Variants in NSF observed in about 807,000 individuals in gnomAD.
NSF encodes the protein vesicle-fusing ATPase.
In NSF, 14 loss-of-function variants were observed where a neutral mutation model predicts 50.3. That is an observed-to-expected ratio of 0.28 (90% CI 0.18 to 0.44). NSF has a LOEUF of 0.44. Among genes scored for constraint, NSF ranks in the 20% least tolerant of loss-of-function variants. The pLI, the probability that NSF is intolerant of heterozygous loss-of-function variation, is 1.00. For missense variants in NSF, 218 were observed against 504.3 expected, an observed-to-expected ratio of 0.43 and a Z score of 5.44; for synonymous variants, 109 against 175.7, an observed-to-expected ratio of 0.62 and a Z score of 3.00.
chr17:46,755,830 A>C lies in NSF; in HGVS notation c.*7A>C, dbSNP rs370142768. The C allele has an allele frequency of 1.8e-4, 291 of 1,611,806 alleles. No individual in the cohort carries two copies. The highest frequency in any genetic ancestry group is 2.3e-4 in the Non-Finnish European group (273 of 1,179,458). Reference sequence around the variant, plus strand: ...CCCCCTTGATTTTGATTGAAAATGAACTATTTGAAACACACAGTGACCAAG... The same window carrying C: ...CCCCCTTGATTTTGATTGAAAATGACCTATTTGAAACACACAGTGACCAAG... On this transcript the variant is annotated 3_prime_UTR_variant, in exon 21 of 21. Transcript: ENST00000398238.
intron 18 of NSF, 45 bp from the exon 19 acceptor site, chr17:46,751,458 T>C (rs1433112956): frequency 7.6e-7 from 1 of 1,320,662 alleles, no homozygotes; most frequent in African/African-American, 1.4e-5. Flanking sequence ...AATGTTGATG[T>C]GTTCACTGTA....
rs572319970 is a variant in NSF, at chr17:46,745,728, G to T, written c.1909-4045G>T. 3.2e-4 allele frequency among the ~76,000 whole-genome samples: 49 copies of T among 152,342 alleles called. 1 individual carries two copies. In the South Asian group the frequency reaches 0.01, roughly 32 times the overall value. ...AGTTACCTTTAATCATACTGAGGAT[G>T]TATCAGCATGTGTGGCCTTTGGCAT... On this transcript the variant is annotated intron_variant, in intron 17 of 20. Transcript: ENST00000398238.
At chr17:46,743,226 C>T (rs2059094679) in intron 17 of NSF, among the ~76,000 whole-genome samples, 1 of 152,140 alleles carries the variant, frequency 6.6e-6, no homozygotes, top group South Asian at 2.1e-4. Flanking sequence ...CTGCCAGTGC[C>T]CTGTGTTTGT....
intron 15 of NSF, among the ~76,000 whole-genome samples, chr17:46,724,435 A>G (rs2058866168): frequency 6.6e-6 from 1 of 152,226 alleles, no homozygotes; most frequent in Non-Finnish European, 1.5e-5. Flanking sequence ...ATCTGATTCC[A>G]TGATAGCCAA....
intron 12 of NSF, among the ~76,000 whole-genome samples, chr17:46,704,161 CTGTACAGA>C (rs1185858428): frequency 1.2e-5 from 1 of 82,366 alleles, no homozygotes; most frequent in Non-Finnish European, 2.3e-5. Flanking sequence ...ATGAACAAGG[CTGTACAGA>C]TATCTCTTCA....
chr17:46,753,748 A>G (rs1257487656), intron 19 of NSF, among the ~76,000 whole-genome samples: 1 of 152,128 alleles, frequency 6.6e-6, no homozygotes, highest in Admixed American at 6.5e-5. Context: ...AGAGTGGGGC[A>G]CTCAGGCCTG....
intron 9 of NSF, among the ~76,000 whole-genome samples, chr17:46,687,423 A>G (rs2058504147): frequency 6.6e-6 from 1 of 151,354 alleles, no homozygotes; most frequent in Non-Finnish European, 1.5e-5. Flanking sequence ...ATTCCCTTGT[A>G]TCTTTTCCCT....
At chr17:46,726,863 A>G (rs548921483) in intron 16 of NSF, among the ~76,000 whole-genome samples, 2 of 152,304 alleles carry the variant, frequency 1.3e-5, no homozygotes, top group Non-Finnish European at 2.9e-5. Context: ...CTCATTTTGT[A>G]TCTTCCAGTG....
intron 1 of NSF, among the ~76,000 whole-genome samples, chr17:46,610,007 C>T (rs375865743): frequency 1.7e-5 from 2 of 116,972 alleles, no homozygotes; most frequent in African/African-American, 3.2e-5. Context: ...CTTTCTTTCT[C>T]TCTTTCTTTC....
At chr17:46,750,844 C>CAA (rs1248382314) in intron 18 of NSF, among the ~76,000 whole-genome samples, 10 of 115,994 alleles carry the variant, frequency 8.6e-5, no homozygotes, top group African/African-American at 2.6e-4. Flanking sequence ...TTAGAAATGT[C>CAA]AAAAAAAAAA....
intron 15 of NSF, chr17:46,722,281 AC>A: frequency 1.2e-6 from 1 of 862,702 alleles, no homozygotes; most frequent in Admixed American, 2.0e-5. Flanking sequence ...TCTGTAAGAT[AC>A]GGTTCTTACC....
intron 14 of NSF, among the ~76,000 whole-genome samples, chr17:46,711,437 T>C (rs772525260): frequency 4.6e-5 from 7 of 152,210 alleles, no homozygotes; most frequent in Non-Finnish European, 1.0e-4. Context: ...TGTATTTTAG[T>C]CATTGAACTA....
rs1230180574 is a variant in NSF at position 46,739,370 on chromosome 17, C to CAAA, written c.1909-10383_1909-10381dup. ...TGGGCAACAGAGCGAGACTCTGTCT[C>CAAA]AAAAAAAAAAAAAAAAAAAAAAGCC... On this transcript the variant is annotated intron_variant, in intron 17 of 20. Coordinates refer to ENST00000398238, the MANE Select transcript of NSF (RefSeq NM_006178.4). Among the ~76,000 whole-genome samples the CAAA allele has an allele frequency of 9.7e-3, 507 of 52,140 alleles. 45 individuals carry two copies. The highest frequency in any genetic ancestry group is 0.017 in the East Asian group (24 of 1,380). 34.2% of individuals were successfully genotyped at this position (52,140 alleles called of 152,430 possible). A position where few individuals can be genotyped will look rare whatever the true frequency, so the allele number is the denominator to read the frequency against.
intron 16 of NSF, among the ~76,000 whole-genome samples, chr17:46,727,674 C>T (rs1475851197): frequency 6.6e-6 from 1 of 152,040 alleles, no homozygotes; most frequent in Non-Finnish European, 1.5e-5. Context: ...ACATCTCAGC[C>T]CAGTTTATGG....
At chr17:46,611,904 CTG>C (rs1193585066) in intron 1 of NSF, among the ~76,000 whole-genome samples, 1 of 108,228 alleles carries the variant, frequency 9.2e-6, no homozygotes, top group African/African-American at 4.1e-5. Context: ...TCAAAGGACA[CTG>C]TAGAATGAAG....
At chr17:46,724,241 T>G (rs1216675246) in intron 15 of NSF, among the ~76,000 whole-genome samples, 1 of 152,186 alleles carries the variant, frequency 6.6e-6, no homozygotes, top group Non-Finnish European at 1.5e-5. Context: ...TAAGTCCATT[T>G]AAGAGTCAAG....
intron 19 of NSF, among the ~76,000 whole-genome samples, 156 bp downstream of exon 19, chr17:46,751,772 G>A (rs1422974568): frequency 6.6e-6 from 1 of 152,144 alleles, no homozygotes; most frequent in African/African-American, 2.4e-5. Context: ...GCCTGCTTCT[G>A]AGATTGATCA....
chr17:46,729,157 G>C lies in NSF; in HGVS notation c.1908+223G>C, dbSNP rs202122205. 2.0e-5 allele frequency among the ~76,000 whole-genome samples: 3 copies of C among 151,992 alleles called. No individual in the cohort carries two copies. The East Asian group carries it at 5.8e-4, about 29-fold the overall frequency. On this transcript the variant is annotated intron_variant, in intron 17 of 20. Transcript: ENST00000398238. ...AAGAAATCAAAATCCCACAGTTTCTGTGTGGAATACAACAATTAGCATTGT... is the reference window on the plus strand; with the variant it reads ...AAGAAATCAAAATCCCACAGTTTCTCTGTGGAATACAACAATTAGCATTGT...
At chr17:46,726,779 A>G (rs1257594112) in intron 16 of NSF, among the ~76,000 whole-genome samples, 164 bp downstream of exon 16, 12 of 152,224 alleles carry the variant, frequency 7.9e-5, no homozygotes, top group Admixed American at 7.9e-4. Flanking sequence ...AGCTGACATC[A>G]ATGATAGTAT....
Sources: gnomAD v4.1 joint callset for allele counts (sites outside exome capture counted in the v4.1 genomes callset) on GRCh38, gnomAD v4.1.1 for gene constraint, MANE v1.5 for transcripts, NCBI Gene and HGNC (gene_info 2026-07-23, HGNC 2026-07-21) for gene names.